The following ESPL1 variants were observed in gnomAD, a reference collection of about 807,000 sequenced individuals.
ESPL1 encodes extra spindle pole bodies like 1, separase, also known as separin.
In ESPL1, 50 loss-of-function variants were observed where a neutral mutation model predicts 217.2. The ratio of observed to expected loss-of-function variants is 0.23; its 90% CI spans 0.18 to 0.29. ESPL1 has a LOEUF of 0.29. ESPL1 is among the 10% of genes least tolerant of loss of function. The pLI is 1.00. For missense variants in ESPL1, 1,834 were observed against 2,603.0 expected, an observed-to-expected ratio of 0.70 and a Z score of 6.43; for synonymous variants, 994 against 1,081.3, an observed-to-expected ratio of 0.92 and a Z score of 1.58.
Position 53,289,550 on chromosome 12 carries a change from C to T in ESPL1, c.5069C>T (p.Pro1690Leu), listed in dbSNP as rs1482056835. 1.9e-6 allele frequency: 3 copies of T among 1,614,152 alleles called. No homozygotes were observed. The highest frequency in any genetic ancestry group is 1.6e-4 in the Middle Eastern group (1 of 6,062). Reference sequence around the variant, plus strand: ...TTGGAATCTGGCCACTTCCCCCAGCCTGAAAAGGAGAGTTTCCAGGAGCGC... The same window carrying T: ...TTGGAATCTGGCCACTTCCCCCAGCTTGAAAAGGAGAGTTTCCAGGAGCGC... ...RALESGHFPQ[P>L]EKESFQERLA... The change falls in exon 22 of 31, where the codon CCT (proline) becomes CTT (leucine). Residue 1690 changes from proline (P) to leucine (L), a missense_variant. By Grantham distance (98) the Pro-to-Leu change is moderately conservative (BLOSUM62 -3). Around this residue, in one of 5 missense-constraint regions of ESPL1, gnomAD observed 681 missense variants for 808.0 expected, o/e 0.84. Transcript: ENST00000257934.
intron 22 of ESPL1, 56 bp downstream of exon 22, chr12:53,289,650 G>A (rs1269217440): frequency 5.4e-6 from 8 of 1,481,886 alleles, no homozygotes; most frequent in Non-Finnish European, 5.5e-6. Context: ...CTTCTTACTT[G>A]GGAGCTGGGT....
intron 5 of ESPL1, 48 bp downstream of exon 5, chr12:53,270,846 C>G: frequency 6.2e-7 from 1 of 1,607,862 alleles, no homozygotes; most frequent in Non-Finnish European, 8.5e-7. Flanking sequence ...GGGTCATCAC[C>G]CATTAGGCAG....
chr12:53,277,783 C>G (rs918181414), intron 10 of ESPL1, 38 bp from the exon 11 acceptor site: 6 of 1,608,576 alleles, frequency 3.7e-6, no homozygotes, highest in Admixed American at 1.7e-5. Context: ...CCAGATGGCC[C>G]ATGCTGAGAC....
intron 12 of ESPL1, 46 bp downstream of exon 12, chr12:53,279,912 G>A: frequency 2.0e-6 from 3 of 1,501,522 alleles, no homozygotes; most frequent in Non-Finnish European, 1.8e-6. Flanking sequence ...GGGGCCCGTA[G>A]CTTTAGAGGC....
chr12:53,268,728 T>C, intron 1 of ESPL1, 27 bp from the exon 2 acceptor site: 1 of 1,394,538 alleles, frequency 7.2e-7, no homozygotes, highest in Non-Finnish European at 1.0e-6. Flanking sequence ...ATTAACAATC[T>C]TCTCTAATTG....
In ESPL1 at chr12:53,277,477, A is replaced by G. The variant is rs780731656; in HGVS notation, c.2093A>G (p.Glu698Gly). 3.1e-6 allele frequency: 5 copies of G among 1,613,946 alleles called. No individual in the cohort carries two copies. Among genetic ancestry groups the G allele is most frequent in the Non-Finnish European group, 3.4e-6 (4 of 1,179,972 alleles). Residue 698 changes from glutamate (E) to glycine (G), a missense_variant, in exon 10 of 31, where the codon GAG (glutamate) becomes GGG (glycine). Glu to Gly is a moderately conservative substitution (Grantham distance 98). This residue lies in a region of ESPL1 where 746 missense variants were observed against 1,077.0 expected (regional missense o/e 0.69). Transcript: ENST00000257934. ...TLEAKMQEGI[E>G]RDRRAQAPGN... ...CCCGATCTTCCCATCCAGGGTATCG[A>G]GCGGGATCGGAGAGCCCAGGCCCCT...
At chr12:53,273,814 A>AACC (rs901793166) in intron 6 of ESPL1, among the ~76,000 whole-genome samples, 2 of 147,026 alleles carry the variant, frequency 1.4e-5, no homozygotes, top group Admixed American at 1.4e-4. Context: ...GGAGAGTGAG[A>AACC]ACCTGGGTTC....
At chr12:53,270,350 C>T in intron 3 of ESPL1, 28 bp from the exon 4 acceptor site, 2 of 1,504,026 alleles carry the variant, frequency 1.3e-6, no homozygotes, top group Non-Finnish European at 1.9e-6. Context: ...CTCTACTCCT[C>T]ATACCAACCT....
intron 18 of ESPL1, 163 bp from the exon 19 acceptor site, chr12:53,287,809 C>A: frequency 1.6e-6 from 1 of 624,090 alleles, no homozygotes; most frequent in Non-Finnish European, 2.7e-6. Context: ...AGAGTCGCTG[C>A]CCCTGATCTA....
chr12:53,292,712 C>T lies in ESPL1; in HGVS notation c.5996+55C>T, dbSNP rs1944084520. ...AGGGGCAGTCCTGAGGATGGTATCA[C>T]CATGGGTTGCTTTGGGACTTGAGAG... On this transcript the variant is annotated intron_variant, in intron 29 of 30. Transcript: ENST00000257934. The surrounding 1 kb of genome is among the most constrained non-coding windows in gnomAD (Gnocchi z 4.5). 2 of 1,598,944 alleles carry T rather than the reference C, an allele frequency of 1.3e-6. No individual in the cohort carries two copies. The highest frequency in any genetic ancestry group is 4.5e-5 in the East Asian group (2 of 44,814).
chr12:53,279,630 G>A (rs2120927495), intron 11 of ESPL1, 102 bp from the exon 12 acceptor site: 2 of 1,063,344 alleles, frequency 1.9e-6, no homozygotes, highest in Admixed American at 2.1e-5. Flanking sequence ...CCCAGGCCCT[G>A]AGGTCAAACT....
chr12:53,276,846 C>A lies in ESPL1; in HGVS notation c.1927C>A (p.Gln643Lys), dbSNP rs1431641717. The A allele has an allele frequency of 6.2e-7, 1 of 1,613,736 alleles. No individual in the cohort carries two copies. Among genetic ancestry groups the A allele is most frequent in the East Asian group, 2.2e-5 (1 of 44,894 alleles). The change falls in exon 8 of 31, where the codon CAG becomes AAG. Residue 643 changes from glutamine (Q) to lysine (K), a missense_variant. Physicochemically the swap from Gln to Lys is moderately conservative, Grantham distance 53. Coordinates refer to ENST00000257934, the MANE Select transcript of ESPL1 (RefSeq NM_012291.5). ...AQVLCYHDFT[Q>K]QTNCSALDAI... ...GGTGCTCTGCTACCACGACTTTACG[C>A]AGCAGACCAACTGGTAAGGAGTAGT... is the stretch of plus-strand genomic sequence containing the variant.
rs771178347 is a variant in ESPL1, at chr12:53,269,673, C to A, written c.731C>A (p.Ser244Tyr). The A allele has an allele frequency of 6.2e-7, 1 of 1,614,202 alleles. No homozygotes were observed. The highest frequency in any genetic ancestry group is 8.5e-7 in the Non-Finnish European group (1 of 1,180,038). The change falls in exon 3 of 31, where the codon TCT becomes TAT. Residue 244 changes from serine (S) to tyrosine (Y), a missense_variant. Around this residue, in one of 5 missense-constraint regions of ESPL1, gnomAD observed 746 missense variants for 1,077.0 expected, o/e 0.69. Coordinates refer to ENST00000257934, the MANE Select transcript of ESPL1 (RefSeq NM_012291.5). This position sits in a 1 kb window ranked among gnomAD's most constrained non-coding sequence, Gnocchi z 6.7. ...GERGSSSGLLSPQRALCLLEL... is the reference protein window; with the variant it reads ...GERGSSSGLLYPQRALCLLEL... ...AGAGGGAGCTCTTCTGGGCTTCTTT[C>A]TCCCCAGAGGGCCCTCTGCCTCTTG...
chr12:53,286,991 G>A lies in ESPL1; in HGVS notation c.4176+79G>A. 1.4e-6 allele frequency: 2 copies of A among 1,420,758 alleles called. No homozygotes were observed. The highest frequency in any genetic ancestry group is 1.9e-6 in the Non-Finnish European group (2 of 1,051,948). 88.0% of individuals were successfully genotyped at this position (1,420,758 alleles called of 1,614,324 possible). A position where few individuals can be genotyped will look rare whatever the true frequency, so the allele number is the denominator to read the frequency against. The stretch of plus-strand genomic sequence containing the variant: ...TGGAGGAGAGTGTTTTATAGAGCAG[G>A]TGTCCCTGTGGAATAGCTCCCCAGG... On this transcript the variant is annotated intron_variant, in intron 18 of 30. Coordinates refer to ENST00000257934, the MANE Select transcript of ESPL1 (RefSeq NM_012291.5). This position sits in a 1 kb window ranked among gnomAD's most constrained non-coding sequence, Gnocchi z 5.3.
intron 17 of ESPL1, among the ~76,000 whole-genome samples, chr12:53,285,504 C>T (rs1433594905): frequency 2.0e-5 from 3 of 152,198 alleles, no homozygotes; most frequent in East Asian, 1.9e-4. Context: ...GTCAGGAGAT[C>T]GAGACCATTC....
Position 53,286,580 on chromosome 12 carries a change from T to G in ESPL1, c.3844T>G (p.Cys1282Gly). 6.2e-7 allele frequency: 1 copy of G among 1,614,152 alleles called. No individual in the cohort carries two copies. Among genetic ancestry groups the G allele is most frequent in the South Asian group, 1.1e-5 (1 of 91,084 alleles). ...CCTCACAAAACTAGGTGGCCTCAGC[T>G]GCTGTACTACCCAACTTTTTGCAAG... Reference protein sequence around the residue: ...WALTKLGGLSCCTTQLFASSW... With the variant: ...WALTKLGGLSGCTTQLFASSW... The change falls in exon 18 of 31, where the codon TGC becomes GGC. Residue 1282 changes from cysteine (C) to glycine (G), a missense_variant. By Grantham distance (159) the Cys-to-Gly change is radical (BLOSUM62 -3). Transcript: ENST00000257934. The surrounding 1 kb of genome is among the most constrained non-coding windows in gnomAD (Gnocchi z 5.3).
At position 53,270,761 on chromosome 12, in the gene ESPL1, G is replaced by C; in HGVS notation, c.1332G>C (p.Leu444=). 1 of 1,614,222 alleles carries C rather than the reference G, an allele frequency of 6.2e-7. No individual in the cohort carries two copies. The highest frequency in any genetic ancestry group is 8.5e-7 in the Non-Finnish European group (1 of 1,180,032). ...VVWMLEALEG[L]SGQELTDHMG... is the part of the protein sequence containing the mutation. ...GGATGCTGGAGGCCTTAGAGGGCCT[G>C]TCGGGCCAAGAGCTGACGGACCACA... The change falls in exon 5 of 31, where the codon CTG becomes CTC. Residue 444 remains leucine (L), a synonymous_variant. Coordinates refer to ENST00000257934, the MANE Select transcript of ESPL1 (RefSeq NM_012291.5).
chr12:53,288,799 G>C (rs1374826839), intron 20 of ESPL1, 100 bp downstream of exon 20: 1 of 1,144,220 alleles, frequency 8.7e-7, no homozygotes, highest in Non-Finnish European at 1.3e-6. Flanking sequence ...TCTGGATCCA[G>C]TAGCCTCTGA....
chr12:53,283,209 A>G lies in ESPL1; in HGVS notation c.2872A>G (p.Ile958Val), dbSNP rs1943892717. The change falls in exon 15 of 31, where the codon ATT becomes GTT. Residue 958 changes from isoleucine (I) to valine (V), a missense_variant. By Grantham distance (29) the Ile-to-Val change is conservative (BLOSUM62 3). Around this residue, in one of 5 missense-constraint regions of ESPL1, gnomAD observed 107 missense variants for 171.7 expected, o/e 0.62. Transcript: ENST00000257934. Reference sequence around the variant, plus strand: ...CATCCTCCTGCTGATGGGCAGTGACATTCTCTCAACTCAGAAAGCAGCTGT... The same window carrying G: ...CATCCTCCTGCTGATGGGCAGTGACGTTCTCTCAACTCAGAAAGCAGCTGT... The part of the protein sequence containing the change: ...SIILLLMGSD[I>V]LSTQKAAVET... 6.2e-7 allele frequency: 1 copy of G among 1,614,116 alleles called. No homozygotes were observed. Among genetic ancestry groups the G allele is most frequent in the African/African-American group, 1.3e-5 (1 of 74,946 alleles).
Sources: gnomAD v4.1 joint callset for allele counts (sites outside exome capture counted in the v4.1 genomes callset) on GRCh38, gnomAD v4.1.1 for gene constraint, gnomAD v4.1.1 regional missense constraint, Gnocchi (gnomAD v3.1) non-coding constraint, MANE v1.5 for transcripts, NCBI Gene and HGNC (gene_info 2026-07-23, HGNC 2026-07-21) for gene names.